The following PRKCA variants were observed in gnomAD, a reference collection of about 807,000 sequenced individuals.
The protein encoded by PRKCA is protein kinase C alpha.
PRKCA carries 27 observed loss-of-function variants against 87.0 expected under a neutral mutation model. The ratio of observed to expected loss-of-function variants is 0.31; its 90% CI spans 0.23 to 0.43. PRKCA has a LOEUF of 0.43. Among genes scored for constraint, PRKCA ranks in the 20% least tolerant of loss-of-function variants. The pLI is 1.00. For synonymous variants in PRKCA, 329 were observed against 311.1 expected (o/e 1.06, Z -0.61); for missense variants, 518 against 852.3 (o/e 0.61, Z 4.88).
chr17:66,621,831 A>G (rs1430908005), intron 3 of PRKCA, among the ~76,000 whole-genome samples: 3 of 152,210 alleles, frequency 2.0e-5, no homozygotes, highest in African/African-American at 7.2e-5. Flanking sequence ...CTGATCCTCT[A>G]ATGCATTTCC....
chr17:66,621,077 GAA>G (rs1598820943), intron 3 of PRKCA, among the ~76,000 whole-genome samples: 1 of 152,258 alleles, frequency 6.6e-6, no homozygotes, highest in East Asian at 1.9e-4. Flanking sequence ...CCCTAAAGAG[GAA>G]CTCAAAGTTC....
At chr17:66,791,624 C>T (rs780223492) in intron 16 of PRKCA, among the ~76,000 whole-genome samples, 9 of 152,236 alleles carry the variant, frequency 5.9e-5, no homozygotes, top group Non-Finnish European at 1.3e-4. Context: ...GAGTGAGGCT[C>T]ATCGCAGCAT....
At chr17:66,373,522 C>T (rs1056617230) in intron 2 of PRKCA, among the ~76,000 whole-genome samples, 8 of 152,260 alleles carry the variant, frequency 5.3e-5, no homozygotes, top group Middle Eastern at 3.4e-3. Context: ...TTCATGATAT[C>T]GATTCAAGTT....
At chr17:66,494,269 C>G (rs1916369982) in intron 2 of PRKCA, among the ~76,000 whole-genome samples, 1 of 152,196 alleles carries the variant, frequency 6.6e-6, no homozygotes, top group Admixed American at 6.5e-5. Context: ...AGTCTTAGTT[C>G]ATTTTTGCTG....
Position 66,803,959 on chromosome 17 carries a change from C to A in PRKCA, c.1941C>A (p.Asn647Lys). The A allele has an allele frequency of 6.2e-7, 1 of 1,614,132 alleles. No individual in the cohort carries two copies. The highest frequency in any genetic ancestry group is 8.5e-7 in the Non-Finnish European group (1 of 1,179,996). ...LTPPDQLVIA[N>K]IDQSDFEGFS... ...CACCTGATCAGCTGGTTATTGCTAA[C>A]ATAGACCAGTCTGATTTTGAAGGGT... Residue 647 changes from asparagine (N) to lysine (K), a missense_variant, in exon 17 of 17, where the codon AAC becomes AAA. By Grantham distance (94) the Asn-to-Lys change is moderately conservative (BLOSUM62 0). Coordinates refer to ENST00000413366, the MANE Select transcript of PRKCA (RefSeq NM_002737.3). The surrounding 1 kb of genome is among the most constrained non-coding windows in gnomAD (Gnocchi z 4.4).
chr17:66,609,270 T>A (rs1970287194), intron 3 of PRKCA, among the ~76,000 whole-genome samples: 1 of 152,206 alleles, frequency 6.6e-6, no homozygotes, highest in Non-Finnish European at 1.5e-5. Flanking sequence ...GACTTCAAGG[T>A]AGCTATTGGC....
At chr17:66,411,539 T>C (rs1164523439) in intron 2 of PRKCA, among the ~76,000 whole-genome samples, 1 of 152,218 alleles carries the variant, frequency 6.6e-6, no homozygotes, top group Non-Finnish European at 1.5e-5. Context: ...AGGCATGGTC[T>C]GTGGACTGCC....
chr17:66,380,757 G>T (rs1236501973), intron 2 of PRKCA, among the ~76,000 whole-genome samples: 4 of 151,840 alleles, frequency 2.6e-5, no homozygotes, highest in Non-Finnish European at 4.4e-5. Flanking sequence ...TGTAGAACTG[G>T]GTAGCAGAGT....
chr17:66,519,292 A>T (rs1241080712), intron 3 of PRKCA, among the ~76,000 whole-genome samples: 2 of 152,158 alleles, frequency 1.3e-5, no homozygotes, highest in Non-Finnish European at 2.9e-5. Context: ...GGCTCCTGGG[A>T]TGAAAAATGG....
intron 8 of PRKCA, among the ~76,000 whole-genome samples, chr17:66,696,126 T>C (rs1213714236): frequency 2.6e-5 from 4 of 152,220 alleles, no homozygotes; most frequent in African/African-American, 4.8e-5. Flanking sequence ...TGTGTGATGA[T>C]TAGATGCTAG....
At chr17:66,723,383 C>T (rs1973662339) in intron 8 of PRKCA, among the ~76,000 whole-genome samples, 1 of 152,204 alleles carries the variant, frequency 6.6e-6, no homozygotes, top group South Asian at 2.1e-4. Context: ...AATCCCAACA[C>T]TTTGGGAGGC....
intron 3 of PRKCA, among the ~76,000 whole-genome samples, chr17:66,526,211 A>G (rs925193958): frequency 6.6e-6 from 1 of 152,206 alleles, no homozygotes; most frequent in Non-Finnish European, 1.5e-5. Flanking sequence ...ATATCCGAAA[A>G]TTATTATAGG....
chr17:66,303,171 C>A, intron 1 of PRKCA, 147 bp downstream of exon 1: 1 of 1,124,712 alleles, frequency 8.9e-7, no homozygotes, highest in Non-Finnish European at 1.2e-6. Context: ...GAGTGACACG[C>A]GCGCCCGGCC....
At chr17:66,636,743 C>T (rs1427103468) in intron 3 of PRKCA, among the ~76,000 whole-genome samples, 2 of 152,212 alleles carry the variant, frequency 1.3e-5, no homozygotes, top group African/African-American at 4.8e-5. Context: ...GGTGTCACCC[C>T]TTGCCCATGA....
chr17:66,578,150 C>CA (rs1567910036), intron 3 of PRKCA, among the ~76,000 whole-genome samples: 6 of 148,234 alleles, frequency 4.0e-5, no homozygotes, highest in East Asian at 2.0e-4. Context: ...CAAAACAAAA[C>CA]AAAACAAAAC....
chr17:66,452,425 A>C (rs1914371984), intron 2 of PRKCA, among the ~76,000 whole-genome samples: 1 of 152,238 alleles, frequency 6.6e-6, no homozygotes, highest in African/African-American at 2.4e-5. Flanking sequence ...CTAGGGAAGA[A>C]GCAGGGTGAG....
intron 2 of PRKCA, among the ~76,000 whole-genome samples, chr17:66,421,659 G>C (rs1798529804): frequency 6.6e-6 from 1 of 150,980 alleles, no homozygotes; most frequent in African/African-American, 2.4e-5. Context: ...CAGCCTCCCA[G>C]GTAGCTGGGA....
chr17:66,535,917 A>G (rs1967763361), intron 3 of PRKCA, among the ~76,000 whole-genome samples: 1 of 152,104 alleles, frequency 6.6e-6, no homozygotes, highest in South Asian at 2.1e-4. Flanking sequence ...CTTACATCAA[A>G]ACAGCATCAT....
chr17:66,591,989 C>G (rs991692832), intron 3 of PRKCA, among the ~76,000 whole-genome samples: 1 of 151,850 alleles, frequency 6.6e-6, no homozygotes, highest in Non-Finnish European at 1.5e-5. Context: ...GGTTTCTTGG[C>G]CTAGGATGCA....
Sources: allele counts gnomAD v4.1 joint callset (sites outside exome capture counted in the v4.1 genomes callset), GRCh38; gene constraint gnomAD v4.1.1; non-coding constraint Gnocchi (gnomAD v3.1); transcripts MANE v1.5; gene names NCBI Gene and HGNC (gene_info 2026-07-23, HGNC 2026-07-21).